The following MTMR9 variants were observed in gnomAD, a reference collection of about 807,000 sequenced individuals.
MTMR9 encodes the protein myotubularin-related protein 9.
MTMR9 carries 39 observed loss-of-function variants against 69.5 expected under a neutral mutation model. The ratio of observed to expected loss-of-function variants is 0.56; its 90% confidence interval spans 0.43 to 0.73. The LOEUF (loss-of-function observed/expected upper bound fraction) is 0.73, where lower values mean the gene tolerates loss of function less well. Ranked by LOEUF, MTMR9 falls within the 30% of genes least tolerant of loss-of-function variation. The probability of loss-of-function intolerance (pLI) is 0.00; values close to 1 mark genes in which losing one functional copy is unlikely to be tolerated. For synonymous variants in MTMR9, 354 were observed against 240.8 expected (o/e 1.47, Z -4.35); for missense variants, 900 against 671.2 (o/e 1.34, Z -3.77).
downstream of MTMR9, chr8:11,328,252 C>T (rs899667770): frequency 1.3e-5 from 2 of 151,772 alleles, no homozygotes; most frequent in African/African-American, 4.8e-5. Context: ...AAATTGAGAT[C>T]TGCAAAAAGG....
intron 6 of MTMR9, among the ~76,000 whole-genome samples, chr8:11,314,492 G>C (rs1489350082): frequency 1.3e-5 from 2 of 152,170 alleles, no homozygotes; most frequent in Admixed American, 1.3e-4. Context: ...TGGAAAGGTA[G>C]AGTCAAAGTC....
chr8:11,295,254 GGATATTCCTGGAAT>G lies in MTMR9; in HGVS notation c.245_258del (p.Asp82GlyfsTer11). 1 of 1,611,364 alleles carries G rather than the reference GGATATTCCTGGAAT, an allele frequency of 6.2e-7. No individual in the cohort carries two copies. Among genetic ancestry groups the G allele is most frequent in the Non-Finnish European group, 8.5e-7 (1 of 1,178,136 alleles). On this transcript the variant is annotated frameshift_variant, in exon 2 of 10. Transcript: ENST00000221086. LOFTEE classifies it high-confidence loss of function. ...GTAAAGATTTTCGAATTATTCAGTTGGATATTCCTGGAATGGAGGAATGCTTGAATATAGCCAGT... is the reference window on the plus strand; with the variant it reads ...GTAAAGATTTTCGAATTATTCAGTTGGGAGGAATGCTTGAATATAGCCAGT...
At chr8:11,315,428 C>T (rs540100484) in intron 7 of MTMR9, among the ~76,000 whole-genome samples, 2 of 152,214 alleles carry the variant, frequency 1.3e-5, no homozygotes, top group South Asian at 2.1e-4. Context: ...GCGCTTTAAC[C>T]CTTTCAAAGC....
rs12545783 is a variant in MTMR9 at position 11,324,825 on chromosome 8, C to G, written c.*2037C>G. ...TGAGCTATGATCGCATCAGTCCACTCCAGCCTGAGCAACAGAGCGAGACCC... is the reference window on the plus strand; with the variant it reads ...TGAGCTATGATCGCATCAGTCCACTGCAGCCTGAGCAACAGAGCGAGACCC... On this transcript the variant is annotated 3_prime_UTR_variant, in exon 10 of 10. Coordinates refer to ENST00000221086, the MANE Select transcript of MTMR9 (RefSeq NM_015458.4). The G allele has an allele frequency of 0.058, 8,776 of 152,320 alleles. 555 individuals carry two copies. Among genetic ancestry groups the G allele is most frequent in the Admixed American group, 0.19 (2,882 of 15,290 alleles). The allele number at this position is 152,320 out of a possible 1,614,324, so 9.4% of individuals were successfully genotyped here. A position where few individuals can be genotyped will look rare whatever the true frequency, so the allele number is the denominator to read the frequency against.
chr8:11,317,573 G>A (rs1800480013), intron 8 of MTMR9: 1 of 152,144 alleles, frequency 6.6e-6, no homozygotes, highest in Non-Finnish European at 1.5e-5. Flanking sequence ...CTCACCTCCT[G>A]CTGTGTGGCC....
intron 7 of MTMR9, chr8:11,316,352 A>G (rs1800414511): frequency 5.6e-6 from 1 of 179,032 alleles, no homozygotes; most frequent in Non-Finnish European, 1.2e-5. Context: ...GGTTTTGTAG[A>G]CCTAGAAAGG....
At position 11,310,273 on chromosome 8, in the gene MTMR9, T is replaced by C. The variant is rs183118276; in HGVS notation, c.971+585T>C. ...TTAAAGGTTGCTAATCCTTGAGTCTTGTGGCAGAAGACTTGAACAGAGGCA... is the reference window on the plus strand; with the variant it reads ...TTAAAGGTTGCTAATCCTTGAGTCTCGTGGCAGAAGACTTGAACAGAGGCA... On this transcript the variant is annotated intron_variant, in intron 6 of 9. Transcript: ENST00000221086. 2.7e-3 allele frequency among the ~76,000 whole-genome samples: 418 copies of C among 152,336 alleles called. 3 individuals carry two copies. Among genetic ancestry groups the C allele is most frequent in the Non-Finnish European group, 5.0e-3 (343 of 68,022 alleles).
chr8:11,334,776 T>C, the MTMR9 span, among the ~76,000 whole-genome samples: 1 of 152,166 alleles, frequency 6.6e-6, no homozygotes, highest in Non-Finnish European at 1.5e-5. Flanking sequence ...AAATGTTAAA[T>C]CAGCCTTCAG....
At chr8:11,320,941 G>A (rs1343703812) in intron 9 of MTMR9, 1 of 152,706 alleles carries the variant, frequency 6.5e-6, no homozygotes, top group Non-Finnish European at 1.5e-5. Flanking sequence ...GTTAATGCCA[G>A]TTGTTACGCC....
intron 6 of MTMR9, among the ~76,000 whole-genome samples, chr8:11,310,718 A>C (rs1347568493): frequency 1.3e-5 from 2 of 152,100 alleles, no homozygotes; most frequent in Admixed American, 6.5e-5. Context: ...TTTTCTTTTT[A>C]ACCTAAGTTT....
At chr8:11,322,511 G>A (rs895736162) in intron 9 of MTMR9, 114 bp from the exon 10 acceptor site, 2 of 819,768 alleles carry the variant, frequency 2.4e-6, no homozygotes, top group African/African-American at 3.5e-5. Context: ...GTGAGTTGTG[G>A]CAACAAAAGA....
intron 2 of MTMR9, among the ~76,000 whole-genome samples, chr8:11,296,466 A>G (rs1056717943): frequency 2.0e-5 from 3 of 152,212 alleles, no homozygotes; most frequent in Admixed American, 2.0e-4. Context: ...CTTTATTCAC[A>G]TTGTTGTGCA....
At chr8:11,295,869 A>G (rs982435173) in intron 2 of MTMR9, among the ~76,000 whole-genome samples, 1 of 152,160 alleles carries the variant, frequency 6.6e-6, no homozygotes, top group African/African-American at 2.4e-5. Context: ...GGGGGGACCT[A>G]GAAGCCCTCA....
chr8:11,317,379 A>G (rs1800466908), intron 8 of MTMR9: 1 of 152,210 alleles, frequency 6.6e-6, no homozygotes, highest in Non-Finnish European at 1.5e-5. Context: ...TGGCAGCGGG[A>G]TTGGTGATGG....
At chr8:11,313,179 C>G (rs572580168) in intron 6 of MTMR9, among the ~76,000 whole-genome samples, 2 of 152,336 alleles carry the variant, frequency 1.3e-5, no homozygotes, top group African/African-American at 4.8e-5. Flanking sequence ...TTTCCTTAAA[C>G]CTCATGAACC....
downstream of MTMR9, among the ~76,000 whole-genome samples, chr8:11,330,680 G>A (rs1352355747): frequency 1.3e-5 from 2 of 152,128 alleles, no homozygotes; most frequent in Non-Finnish European, 1.5e-5. Flanking sequence ...ATTAAGGGCG[G>A]TGCAAGATGT....
chr8:11,327,606 A>G lies in MTMR9; in HGVS notation c.*4818A>G, dbSNP rs1800995932. 6.5e-6 allele frequency: 1 copy of G among 152,676 alleles called. No individual in the cohort carries two copies. The highest frequency in any genetic ancestry group is 6.5e-5 in the Admixed American group (1 of 15,280). 9.5% of individuals were successfully genotyped at this position (152,676 alleles called of 1,614,324 possible). On this transcript the variant is annotated 3_prime_UTR_variant, in exon 10 of 10. Coordinates refer to ENST00000221086, the MANE Select transcript of MTMR9 (RefSeq NM_015458.4). Reference sequence around the variant, plus strand: ...GTTGTAGTTGCAGAACTTAGTTTATAAAAACAAAGAATGTGTATTTCTTCA... The same window carrying G: ...GTTGTAGTTGCAGAACTTAGTTTATGAAAACAAAGAATGTGTATTTCTTCA...
At chr8:11,331,751 T>A (rs1245079194), downstream of MTMR9, 7 of 1,611,690 alleles carry the variant, frequency 4.3e-6, no homozygotes, top group South Asian at 5.5e-5. Flanking sequence ...CTCTGCACTT[T>A]CCCTCCTGCC....
intron 8 of MTMR9, chr8:11,317,937 G>C (rs1800498697): frequency 6.6e-6 from 1 of 152,104 alleles, no homozygotes; most frequent in African/African-American, 2.4e-5. Flanking sequence ...AATTTCTATA[G>C]CCAAGGAAGT....
Sources: gnomAD v4.1 joint callset for allele counts (sites outside exome capture counted in the v4.1 genomes callset) on GRCh38, gnomAD v4.1.1 for gene constraint, MANE v1.5 for transcripts, NCBI Gene and HGNC (gene_info 2026-07-23, HGNC 2026-07-21) for gene names.